ADAMTS8: variants seen among roughly 807,000 people sequenced by gnomAD.
ADAMTS8 encodes the protein A disintegrin and metalloproteinase with thrombospondin motifs 8.
A neutral mutation model predicts 64.4 loss-of-function variants in ADAMTS8; 50 were observed. The observed-to-expected ratio is 0.78, with a 90% CI of 0.62 to 0.98. The LOEUF is 0.98. Among genes scored for constraint, ADAMTS8 ranks in the 50% least tolerant of loss-of-function variants. ADAMTS8 has a pLI of 0.00. For synonymous variants in ADAMTS8, 556 were observed against 533.6 expected (o/e 1.04, Z -0.58); for missense variants, 1,192 against 1,208.2 (o/e 0.99, Z 0.20).
chr11:130,414,792 G>C lies in ADAMTS8; in HGVS notation c.1305C>G (p.Leu435=). Reference sequence around the variant, plus strand: ...CCATGCGGCCCGGGAGGCCTGTGGGGAGGGGCAGGGCCGCAGCAGGGGCAT... The same window carrying C: ...CCATGCGGCCCGGGAGGCCTGTGGGCAGGGGCAGGGCCGCAGCAGGGGCAT... ...LLDAPAAALP[L]PTGLPGRMAL... The change falls in exon 5 of 9, where the codon CTC becomes CTG. Residue 435 remains leucine (L), a synonymous_variant. Coordinates refer to ENST00000257359, the MANE Select transcript of ADAMTS8 (RefSeq NM_007037.6). The C allele has an allele frequency of 6.2e-7, 1 of 1,612,594 alleles. No individual in the cohort carries two copies. Among genetic ancestry groups the C allele is most frequent in the Non-Finnish European group, 8.5e-7 (1 of 1,179,560 alleles).
Position 130,405,151 on chromosome 11 carries a change from C to T in ADAMTS8, c.*407G>A, listed in dbSNP as rs992796048. The T allele has an allele frequency of 9.0e-6, 9 of 999,390 alleles. No homozygotes were observed. The highest frequency in any genetic ancestry group is 5.6e-5 in the Admixed American group (1 of 17,842). The allele number at this position is 999,390 out of a possible 1,614,324, so 61.9% of individuals were successfully genotyped here. ...CATTCACCATTGACTCCCTGCCCCA[C>T]GCCTCTCTTGTACTAATTTTTTCCC... On this transcript the variant is annotated 3_prime_UTR_variant, in exon 9 of 9. Transcript: ENST00000257359.
intron 1 of ADAMTS8, among the ~76,000 whole-genome samples, chr11:130,422,742 G>T (rs547669002): frequency 6.6e-6 from 1 of 152,354 alleles, no homozygotes; most frequent in South Asian, 2.1e-4. Flanking sequence ...CTACAAGTCA[G>T]CCTTCACCAC....
At chr11:130,421,482 G>C (rs1862098254) in intron 1 of ADAMTS8, among the ~76,000 whole-genome samples, 1 of 152,156 alleles carries the variant, frequency 6.6e-6, no homozygotes, top group South Asian at 2.1e-4. Flanking sequence ...GAGGACATCT[G>C]AAGGTCCTTC....
intron 6 of ADAMTS8, among the ~76,000 whole-genome samples, chr11:130,410,358 A>T (rs1861937674): frequency 6.6e-6 from 1 of 152,178 alleles, no homozygotes; most frequent in African/African-American, 2.4e-5. Flanking sequence ...AAAATACTCG[A>T]CAGTAATGGC....
In ADAMTS8 at chr11:130,414,724, G is replaced by A. The variant is rs144822280; in HGVS notation, c.1373C>T (p.Pro458Leu). 9.3e-6 allele frequency: 15 copies of A among 1,613,614 alleles called. No individual in the cohort carries two copies. The highest frequency in any genetic ancestry group is 3.3e-5 in the South Asian group (3 of 91,092). ...LDQQCRQIFG[P>L]DFRHCPNTSA... is the part of the protein sequence containing the mutation. ...GGTGTTGGGGCAGTGGCGGAAATCC[G>A]GCCCAAAGATCTGCCTGCACTGCTG... Residue 458 changes from proline (P) to leucine (L), a missense_variant, in exon 5 of 9, where the codon CCG becomes CTG. Pro to Leu is a moderately conservative substitution (Grantham distance 98). Transcript: ENST00000257359.
chr11:130,414,933 C>T, intron 4 of ADAMTS8, 101 bp from the exon 5 acceptor site: 7 of 1,261,404 alleles, frequency 5.5e-6, no homozygotes, highest in South Asian at 1.6e-5. Context: ...CTAGGTGTCA[C>T]GACTTCTTGA....
chr11:130,417,710 T>C (rs966656542), intron 2 of ADAMTS8, among the ~76,000 whole-genome samples: 4 of 152,062 alleles, frequency 2.6e-5, no homozygotes, highest in African/African-American at 9.7e-5. Flanking sequence ...CTACAGCCGC[T>C]TGCCATGTGC....
At chr11:130,420,817 G>C (rs1391646155) in intron 1 of ADAMTS8, among the ~76,000 whole-genome samples, 1 of 152,132 alleles carries the variant, frequency 6.6e-6, no homozygotes, top group East Asian at 1.9e-4. Flanking sequence ...CTTGCTCCTG[G>C]AGTTGGATTC....
Position 130,405,248 on chromosome 11 carries a change from C to T in ADAMTS8, c.*310G>A. 2 of 1,152,008 alleles carry T rather than the reference C, an allele frequency of 1.7e-6. No homozygotes were observed. Among genetic ancestry groups the T allele is most frequent in the Non-Finnish European group, 2.1e-6 (2 of 936,922 alleles). The allele number at this position is 1,152,008 out of a possible 1,614,324, so 71.4% of individuals were successfully genotyped here. A position where few individuals can be genotyped will look rare whatever the true frequency, so the allele number is the denominator to read the frequency against. On this transcript the variant is annotated 3_prime_UTR_variant, in exon 9 of 9. Transcript: ENST00000257359. The stretch of plus-strand genomic sequence containing the variant: ...TTCATTTAAGTTTGCTAGTCCTTTG[C>T]AAACAGACTGACGCTGAGTGTCCTG...
intron 6 of ADAMTS8, among the ~76,000 whole-genome samples, chr11:130,410,346 A>C (rs560772280): frequency 9.2e-5 from 14 of 152,310 alleles, no homozygotes; most frequent in African/African-American, 3.1e-4. Context: ...AAAAAATACT[A>C]AAAAATACTC....
In ADAMTS8 at chr11:130,405,974, C is replaced by A. The variant is rs749260393; in HGVS notation, c.2254G>T (p.Ala752Ser). The A allele has an allele frequency of 5.6e-6, 9 of 1,614,110 alleles. No individual in the cohort carries two copies. In the South Asian group the frequency reaches 8.8e-5, roughly 16 times the overall value. ...TTCACCAAGATGTCCTGCTCTATGG[C>A]AGAGATGGCCAGGTTGCCGTTGAGC... ...YLLNGNLAIS[A>S]IEQDILVKGT... The change falls in exon 9 of 9, where the codon GCC becomes TCC. Residue 752 changes from alanine to serine, a missense_variant. Ala to Ser is a moderately conservative substitution (Grantham distance 99). Coordinates refer to ENST00000257359, the MANE Select transcript of ADAMTS8 (RefSeq NM_007037.6).
In ADAMTS8 at chr11:130,419,218, C is replaced by A. The variant is rs1261694626; in HGVS notation, c.795G>T (p.Leu265=). The change falls in exon 2 of 9, where the codon CTG becomes CTT. Residue 265 remains leucine (L), a synonymous_variant. Transcript: ENST00000257359. ...KHPSIKNSIN[L]MVVKVLIVED... is the part of the protein sequence containing the mutation. ...CTACGATCAGCACTTTTACCACCAT[C>A]AGGTTGATGGAATTCTTGATGCTGG... 1 of 1,614,164 alleles carries A rather than the reference C, an allele frequency of 6.2e-7. No individual in the cohort carries two copies. The highest frequency in any genetic ancestry group is 2.2e-5 in the East Asian group (1 of 44,892).
intron 1 of ADAMTS8, among the ~76,000 whole-genome samples, chr11:130,426,739 G>C (rs1161713199): frequency 1.3e-5 from 2 of 152,156 alleles, no homozygotes; most frequent in African/African-American, 4.8e-5. Context: ...TTTCTCCCCT[G>C]TTTAGGTAAG....
At position 130,406,131 on chromosome 11, in the gene ADAMTS8, G is replaced by A. The variant is rs2134671015; in HGVS notation, c.2100-3C>T. 6.2e-7 allele frequency: 1 copy of A among 1,603,052 alleles called. No homozygotes were observed. Among genetic ancestry groups the A allele is most frequent in the Non-Finnish European group, 8.5e-7 (1 of 1,177,122 alleles). On this transcript the variant is annotated splice_polypyrimidine_tract_variant and splice_region_variant and intron_variant, in intron 8 of 8. Coordinates refer to ENST00000257359, the MANE Select transcript of ADAMTS8 (RefSeq NM_007037.6). ...TGACAATGTCATTGTAGCCATAACT[G>A]TGATAGAAACAGAAGGACACCCTTA...
In ADAMTS8 at chr11:130,420,433, A is replaced by G. The variant is rs1862084748; in HGVS notation, c.721-1141T>C. Among the ~76,000 whole-genome samples the G allele has an allele frequency of 2.0e-5, 3 of 152,112 alleles. 1 individual carries two copies. In the South Asian group the frequency reaches 6.2e-4, roughly 31 times the overall value. Reference sequence around the variant, plus strand: ...GAGCATTTTGTGGAAGAGGAGACACAGAGGCAGAGGTGGGTGTTCCTTGAG... The same window carrying G: ...GAGCATTTTGTGGAAGAGGAGACACGGAGGCAGAGGTGGGTGTTCCTTGAG... On this transcript the variant is annotated intron_variant, in intron 1 of 8. Coordinates refer to ENST00000257359, the MANE Select transcript of ADAMTS8 (RefSeq NM_007037.6).
rs1565377760 is a variant in ADAMTS8, at chr11:130,416,935, C to A, written c.1096+5G>T. The stretch of plus-strand genomic sequence containing the variant: ...TGAAGTGGGCTTTGGCACAGCAAAT[C>A]TTACCTAGTTCATGGGCCAGGGTGT... On this transcript the variant is annotated splice_donor_5th_base_variant and intron_variant, in intron 3 of 8. Coordinates refer to ENST00000257359, the MANE Select transcript of ADAMTS8 (RefSeq NM_007037.6). This position sits in a 1 kb window ranked among gnomAD's most constrained non-coding sequence, Gnocchi z 4.8. The A allele has an allele frequency of 6.2e-7, 1 of 1,613,984 alleles. No individual in the cohort carries two copies. The highest frequency in any genetic ancestry group is 8.5e-7 in the Non-Finnish European group (1 of 1,180,032).
chr11:130,410,871 A>G (rs1861943402), intron 6 of ADAMTS8, among the ~76,000 whole-genome samples: 1 of 152,198 alleles, frequency 6.6e-6, no homozygotes, highest in African/African-American at 2.4e-5. Flanking sequence ...CATGTTCCCA[A>G]GGGAAGATGG....
rs1037985349 is a variant in ADAMTS8, at chr11:130,408,513, C to T, written c.2050G>A (p.Gly684Ser). ...RKLDKCGVCG[G>S]KGNSCRKVSG... is the part of the protein sequence containing the mutation. ...ACCTTCCTGCAGGAGTTGCCTTTGC[C>T]CCCACACACCCCGCATTTGTCCAGC... The change falls in exon 8 of 9, where the codon GGC (glycine) becomes AGC (serine). Residue 684 changes from glycine to serine, a missense_variant. This residue lies in a region of ADAMTS8 where 290 missense variants were observed against 297.8 expected (regional missense o/e 0.97). Transcript: ENST00000257359. 6.2e-7 allele frequency: 1 copy of T among 1,614,064 alleles called. No homozygotes were observed. Among genetic ancestry groups the T allele is most frequent in the Non-Finnish European group, 8.5e-7 (1 of 1,180,018 alleles).
intron 1 of ADAMTS8, among the ~76,000 whole-genome samples, chr11:130,420,701 T>A (rs774616725): frequency 5.3e-5 from 8 of 152,094 alleles, no homozygotes; most frequent in Non-Finnish European, 1.0e-4. Flanking sequence ...AGCCAGGTAT[T>A]TTGTTAGCCC....
Sources: allele counts gnomAD v4.1 joint callset (sites outside exome capture counted in the v4.1 genomes callset), GRCh38; gene constraint gnomAD v4.1.1; regional missense constraint gnomAD v4.1.1; non-coding constraint Gnocchi (gnomAD v3.1); transcripts MANE v1.5; gene names NCBI Gene and HGNC (gene_info 2026-07-23, HGNC 2026-07-21).